Variants in COL4A4 observed in about 807,000 individuals in gnomAD.
COL4A4 encodes collagen alpha-4(IV) chain.
COL4A4 carries 105 observed loss-of-function variants against 192.9 expected under a neutral mutation model. That is an observed-to-expected ratio of 0.54 (90% CI 0.46 to 0.64). The LOEUF is 0.64. Among genes scored for constraint, COL4A4 ranks in the 30% least tolerant of loss-of-function variants. COL4A4 has a pLI of 0.00. For missense variants in COL4A4, 1,967 were observed against 2,169.3 expected (o/e 0.91, Z 1.85); for synonymous variants, 762 against 769.9 (o/e 0.99, Z 0.17).
the COL4A4 span, chr2:226,996,431 C>A: frequency 6.6e-6 from 1 of 152,206 alleles, no homozygotes; most frequent in Non-Finnish European, 1.5e-5. Context: ...CAAAACACGC[C>A]CTTGGGCCCC....
In COL4A4 at chr2:227,119,845, G is replaced by T. The variant is rs769958492; in HGVS notation, c.372+50C>A. 4 of 1,320,166 alleles carry T rather than the reference G, an allele frequency of 3.0e-6. No homozygotes were observed. The Admixed American group carries it at 7.3e-5, about 24-fold the overall frequency. The allele number at this position is 1,320,166 out of a possible 1,614,324, so 81.8% of individuals were successfully genotyped here. A position where few individuals can be genotyped will look rare whatever the true frequency, so the allele number is the denominator to read the frequency against. ...TACATGTGGTTTTAAGGATTTTGAT[G>T]AGTACTTCTGCCTTTTTGAAAAAAG... On this transcript the variant is annotated intron_variant, in intron 6 of 47. Coordinates refer to ENST00000396625, the MANE Select transcript of COL4A4 (RefSeq NM_000092.5).
In COL4A4 at chr2:227,045,907, A is replaced by ATT. The variant is rs1559488928; in HGVS notation, c.3289+1567_3289+1568insAA. On this transcript the variant is annotated intron_variant, in intron 35 of 47. Coordinates refer to ENST00000396625, the MANE Select transcript of COL4A4 (RefSeq NM_000092.5). ...ATGTATATATATTTAGATAGTATAT[A>ATT]TATGTATGTATATGTATATGTATAT... Among the ~76,000 whole-genome samples the ATT allele has an allele frequency of 1.3e-4, 12 of 89,062 alleles. 1 individual carries two copies. Among genetic ancestry groups the ATT allele is most frequent in the African/African-American group, 5.2e-4 (11 of 21,352 alleles). The allele number at this position is 89,062 out of a possible 152,430, so 58.4% of individuals were successfully genotyped here.
chr2:226,990,570 G>A, the COL4A4 span, among the ~76,000 whole-genome samples: 1 of 152,086 alleles, frequency 6.6e-6, no homozygotes, highest in African/African-American at 2.4e-5. Flanking sequence ...CGAACGGTAG[G>A]GAAAATGGCC....
chr2:227,145,834 T>C (rs2063514053), intron 2 of COL4A4, among the ~76,000 whole-genome samples: 1 of 152,146 alleles, frequency 6.6e-6, no homozygotes, highest in South Asian at 2.1e-4. Context: ...AAATTTCCTC[T>C]CTCCTCAGCT....
intron 12 of COL4A4, among the ~76,000 whole-genome samples, chr2:227,106,722 T>C (rs952698933): frequency 6.6e-6 from 1 of 152,262 alleles, no homozygotes; most frequent in South Asian, 2.1e-4. Flanking sequence ...CACGCCACCA[T>C]GCCCGGCTAA....
rs1390289104 is a variant in COL4A4, at chr2:227,067,449, T to C, written c.1988-4851A>G. Among the ~76,000 whole-genome samples, 6 of 152,304 alleles carry C rather than the reference T, an allele frequency of 3.9e-5. No individual in the cohort carries two copies. In the East Asian group the frequency reaches 7.7e-4, roughly 20 times the overall value. ...GCACCACACCACACCTATTCCAAAA[T>C]TGACCACATACTTGGAAGTAAAGCA... On this transcript the variant is annotated intron_variant, in intron 25 of 47. Transcript: ENST00000396625.
the COL4A4 span, among the ~76,000 whole-genome samples, chr2:226,968,466 C>G: frequency 3.4e-3 from 519 of 152,306 alleles, 2 homozygotes; most frequent in Non-Finnish European, 6.2e-3. Flanking sequence ...CCGATTGAAT[C>G]AGGCTCATCC....
At position 227,017,649 on chromosome 2, in the gene COL4A4, G is replaced by A. The variant is rs573820597; in HGVS notation, c.4216+4399C>T. On this transcript the variant is annotated intron_variant, in intron 44 of 47. Coordinates refer to ENST00000396625, the MANE Select transcript of COL4A4 (RefSeq NM_000092.5). ...TGTGTAGAAGAGCATTAGGCCTCCT[G>A]TGGTGGACTAATCGACCCACTTCGT... Among the ~76,000 whole-genome samples the A allele has an allele frequency of 4.9e-4, 75 of 152,340 alleles. 1 individual carries two copies. In the South Asian group the frequency reaches 8.3e-3, roughly 17 times the overall value.
chr2:226,983,601 C>A, the COL4A4 span, among the ~76,000 whole-genome samples: 64 of 152,136 alleles, frequency 4.2e-4, no homozygotes, highest in Middle Eastern at 3.2e-3. Context: ...TTTCAAAGTT[C>A]TTTTCCCACT....
At chr2:227,041,770 G>GAAA (rs1970997542) in intron 37 of COL4A4, among the ~76,000 whole-genome samples, 3 of 106,068 alleles carry the variant, frequency 2.8e-5, no homozygotes, top group African/African-American at 1.3e-4. Flanking sequence ...AAGGAAGGAA[G>GAAA]GAAGGAAGGA....
chr2:227,160,835 A>C (rs984477914), intron 1 of COL4A4, among the ~76,000 whole-genome samples: 1 of 152,244 alleles, frequency 6.6e-6, no homozygotes, highest in African/African-American at 2.4e-5. Context: ...GCAGAAGAGG[A>C]GTCCAGAGAT....
intron 19 of COL4A4, among the ~76,000 whole-genome samples, chr2:227,095,050 C>T (rs903438213): frequency 2.0e-5 from 3 of 152,168 alleles, no homozygotes; most frequent in Non-Finnish European, 4.4e-5. Context: ...AATGTCTTGC[C>T]TCCTTTGAAA....
intron 19 of COL4A4, among the ~76,000 whole-genome samples, chr2:227,095,756 A>G (rs2060177261): frequency 6.6e-6 from 1 of 152,176 alleles, no homozygotes; most frequent in African/African-American, 2.4e-5. Flanking sequence ...TTACCTGGGC[A>G]TGGTGGCAGG....
At chr2:227,018,415 C>A (rs1965348565) in intron 44 of COL4A4, among the ~76,000 whole-genome samples, 3 of 152,198 alleles carry the variant, frequency 2.0e-5, no homozygotes, top group African/African-American at 4.8e-5. Flanking sequence ...ACCTGTCACT[C>A]TTTAGTAACT....
At chr2:227,022,276 T>G (rs2149855820) in intron 43 of COL4A4, 103 bp from the exon 44 acceptor site, 1 of 1,312,530 alleles carries the variant, frequency 7.6e-7, no homozygotes, top group Non-Finnish European at 1.1e-6. Flanking sequence ...ATACTGAAAT[T>G]TAGTACAAAT....
At chr2:227,129,634 C>G (rs1378457320) in intron 4 of COL4A4, among the ~76,000 whole-genome samples, 1 of 152,084 alleles carries the variant, frequency 6.6e-6, no homozygotes, top group Non-Finnish European at 1.5e-5. Context: ...GTCTCGAACT[C>G]CCGACCTCAA....
intron 1 of COL4A4, among the ~76,000 whole-genome samples, chr2:227,148,731 G>T (rs2063715475): frequency 6.6e-6 from 1 of 151,742 alleles, no homozygotes; most frequent in African/African-American, 2.4e-5. Context: ...GATATATTTG[G>T]CTCAAATAAT....
the COL4A4 span, among the ~76,000 whole-genome samples, chr2:226,992,620 A>G: frequency 3.9e-5 from 6 of 152,218 alleles, no homozygotes; most frequent in African/African-American, 1.4e-4. Context: ...CGTCTTTGAT[A>G]TCAGCAGAGT....
In COL4A4 at chr2:227,054,610, T is replaced by C; in HGVS notation, c.2844A>G (p.Gly948=). 1 of 1,614,124 alleles carries C rather than the reference T, an allele frequency of 6.2e-7. No homozygotes were observed. Among genetic ancestry groups the C allele is most frequent in the Non-Finnish European group, 8.5e-7 (1 of 1,179,994 alleles). The change falls in exon 31 of 48, where the codon GGA becomes GGG. Residue 948 remains glycine (G), a synonymous_variant. Coordinates refer to ENST00000396625, the MANE Select transcript of COL4A4 (RefSeq NM_000092.5). ...KGMSGLPGDR[G]LRGAKGAIGP... ...TTTATTTACCTTTGGCCCCTCTCAG[T>C]CCCCGGTCTCCAGGAAGGCCAGACA...
Sources: allele counts gnomAD v4.1 joint callset (sites outside exome capture counted in the v4.1 genomes callset), GRCh38; gene constraint gnomAD v4.1.1; transcripts MANE v1.5; gene names NCBI Gene and HGNC (gene_info 2026-07-23, HGNC 2026-07-21).